CELF2: variants seen among roughly 807,000 people sequenced by gnomAD.
CELF2 encodes the protein CUG triplet repeat RNA-binding protein 2.
In CELF2, 8 loss-of-function variants were observed where a neutral mutation model predicts 62.6. The ratio of observed to expected loss-of-function variants is 0.13; its 90% CI spans 0.07 to 0.23. CELF2 has a LOEUF of 0.23. CELF2 is among the 10% of genes least tolerant of loss of function. The pLI is 1.00. For synonymous variants in CELF2, 258 were observed against 250.0 expected (o/e 1.03, Z -0.30); for missense variants, 333 against 671.0 (o/e 0.50, Z 5.56).
At chr10:10,920,967 T>C (rs2064844785) in intron 2 of CELF2, among the ~76,000 whole-genome samples, 1 of 152,174 alleles carries the variant, frequency 6.6e-6, no homozygotes, top group South Asian at 2.1e-4. Context: ...GTTGTTGTTA[T>C]TTTTTGAGAC....
chr10:10,641,132 G>A, the CELF2 span, among the ~76,000 whole-genome samples: 1 of 152,148 alleles, frequency 6.6e-6, no homozygotes, highest in South Asian at 2.1e-4. Context: ...GCTTCCCACA[G>A]TCTGCACTCA....
At chr10:10,840,413 T>C (rs1289724908) in intron 1 of CELF2, among the ~76,000 whole-genome samples, 2 of 152,228 alleles carry the variant, frequency 1.3e-5, no homozygotes, top group Non-Finnish European at 2.9e-5. Context: ...AGTAGGTATT[T>C]AGTGGTATCT....
the CELF2 span, among the ~76,000 whole-genome samples, chr10:10,659,396 T>C: frequency 6.6e-6 from 1 of 152,226 alleles, no homozygotes; most frequent in Non-Finnish European, 1.5e-5. Flanking sequence ...AAGTGAGTAA[T>C]TGCCAATGAG....
At chr10:10,963,276 A>G (rs1316178744) in intron 2 of CELF2, among the ~76,000 whole-genome samples, 1 of 152,008 alleles carries the variant, frequency 6.6e-6, no homozygotes, top group African/African-American at 2.4e-5. Context: ...GCTGGTCTTG[A>G]ACTCCTGACC....
chr10:11,162,391 G>T (rs1441052826), intron 1 of CELF2, among the ~76,000 whole-genome samples: 1 of 152,176 alleles, frequency 6.6e-6, no homozygotes. Flanking sequence ...GACATCATTG[G>T]ATTTACTTAA....
intron 1 of CELF2, among the ~76,000 whole-genome samples, chr10:11,094,226 A>T (rs2142085191): frequency 6.6e-6 from 1 of 152,356 alleles, no homozygotes; most frequent in South Asian, 2.1e-4. Context: ...CTTTACGCTA[A>T]GTACACAACA....
the CELF2 span, among the ~76,000 whole-genome samples, chr10:10,770,233 C>T: frequency 6.6e-6 from 1 of 151,922 alleles, no homozygotes; most frequent in Admixed American, 6.6e-5. Context: ...ATATTGACAT[C>T]TCATAGAACA....
upstream of CELF2, among the ~76,000 whole-genome samples, chr10:11,002,393 C>T (rs1160945272): frequency 1.3e-5 from 2 of 152,136 alleles, no homozygotes; most frequent in Non-Finnish European, 2.9e-5. This position sits in a 1 kb window ranked among gnomAD's most constrained non-coding sequence, Gnocchi z 4.4. Flanking sequence ...ATCACTATCC[C>T]CTAAGGTTAT....
At chr10:11,148,843 A>AACACACACACACAC (rs58567770) in intron 1 of CELF2, among the ~76,000 whole-genome samples, 2,015 of 146,878 alleles carry the variant, frequency 0.014, 24 homozygotes, top group East Asian at 0.026. Context: ...TCTTAAACCA[A>AACACACACACACAC]ACACACACAC....
chr10:10,606,777 C>CA, the CELF2 span, among the ~76,000 whole-genome samples: 9 of 151,338 alleles, frequency 5.9e-5, no homozygotes, highest in Non-Finnish European at 8.8e-5. Flanking sequence ...GGGCCAACTA[C>CA]AAAAAAAAGC....
intron 2 of CELF2, among the ~76,000 whole-genome samples, chr10:11,201,683 C>G (rs2059247887): frequency 6.6e-6 from 1 of 152,206 alleles, no homozygotes; most frequent in Non-Finnish European, 1.5e-5. Context: ...CTGTCCTTTG[C>G]TGTGTTGTTT....
At chr10:10,832,640 T>G (rs2057963256) in intron 1 of CELF2, among the ~76,000 whole-genome samples, 1 of 152,202 alleles carries the variant, frequency 6.6e-6, no homozygotes, top group African/African-American at 2.4e-5. Flanking sequence ...TCAAATCAAT[T>G]GACTAAATAG....
the CELF2 span, among the ~76,000 whole-genome samples, chr10:10,781,705 C>T: frequency 1.3e-5 from 2 of 152,144 alleles, no homozygotes; most frequent in Non-Finnish European, 2.9e-5. Flanking sequence ...ACATCAGTAG[C>T]CTAGGTGTGT....
chr10:11,073,087 A>G (rs2070673690), intron 1 of CELF2, among the ~76,000 whole-genome samples: 1 of 152,198 alleles, frequency 6.6e-6, no homozygotes, highest in Admixed American at 6.5e-5. Flanking sequence ...TAATGCTAAT[A>G]TAATTATACC....
At chr10:11,111,892 T>A (rs148123402) in intron 1 of CELF2, among the ~76,000 whole-genome samples, 1 of 152,246 alleles carries the variant, frequency 6.6e-6, no homozygotes, top group Non-Finnish European at 1.5e-5. Context: ...GGTTGACTTA[T>A]AATAATCAAA....
intron 1 of CELF2, among the ~76,000 whole-genome samples, chr10:10,860,825 T>A (rs1027304302): frequency 4.6e-5 from 7 of 152,232 alleles, no homozygotes; most frequent in Non-Finnish European, 8.8e-5. Flanking sequence ...ATTTGCCTTA[T>A]ATGTTCATGG....
At chr10:11,212,774 G>C (rs1302300751) in intron 2 of CELF2, among the ~76,000 whole-genome samples, 2 of 115,712 alleles carry the variant, frequency 1.7e-5, no homozygotes, top group Non-Finnish European at 3.4e-5. Flanking sequence ...AAGGACCAAA[G>C]CTTTTATTAT....
At chr10:11,093,303 T>C (rs1374455128) in intron 1 of CELF2, among the ~76,000 whole-genome samples, 2 of 152,200 alleles carry the variant, frequency 1.3e-5, no homozygotes, top group African/African-American at 2.4e-5. Context: ...ATTCCCAGGA[T>C]TGGGGCTTAG....
chr10:10,584,628 C>T, the CELF2 span, among the ~76,000 whole-genome samples: 1 of 152,206 alleles, frequency 6.6e-6, no homozygotes, highest in Non-Finnish European at 1.5e-5. Context: ...AAGTTTAATG[C>T]ATAGACACTG....
Sources: gnomAD v4.1 joint callset for allele counts (sites outside exome capture counted in the v4.1 genomes callset) on GRCh38, gnomAD v4.1.1 for gene constraint, Gnocchi (gnomAD v3.1) non-coding constraint, MANE v1.5 for transcripts, NCBI Gene and HGNC (gene_info 2026-07-23, HGNC 2026-07-21) for gene names.